The following OPCML variants were observed in gnomAD, a reference collection of about 807,000 sequenced individuals.
OPCML encodes the protein opioid-binding protein/cell adhesion molecule.
OPCML carries 13 observed loss-of-function variants against 37.8 expected under a neutral mutation model. The ratio of observed to expected loss-of-function variants is 0.34; its 90% CI spans 0.22 to 0.55. The LOEUF is 0.55. OPCML is among the 20% of genes least tolerant of loss of function. The probability of loss-of-function intolerance (pLI) is 0.91; values close to 1 mark genes in which losing one functional copy is unlikely to be tolerated. For synonymous variants in OPCML, 176 were observed against 168.8 expected (o/e 1.04, Z -0.33); for missense variants, 341 against 435.6 (o/e 0.78, Z 1.93).
At chr11:133,219,501 G>A (rs1004403025) in intron 1 of OPCML, among the ~76,000 whole-genome samples, 1 of 152,200 alleles carries the variant, frequency 6.6e-6, no homozygotes, top group Non-Finnish European at 1.5e-5. Flanking sequence ...CTACCATTTA[G>A]CAATGCTTCT....
chr11:133,331,605 T>C (rs1358910311), intron 1 of OPCML, among the ~76,000 whole-genome samples: 1 of 152,256 alleles, frequency 6.6e-6, no homozygotes, highest in African/African-American at 2.4e-5. Context: ...TCTTAATCAT[T>C]GGCTTTAAGA....
intron 1 of OPCML, among the ~76,000 whole-genome samples, chr11:133,135,878 A>T (rs1459228117): frequency 6.6e-6 from 1 of 152,230 alleles, no homozygotes; most frequent in African/African-American, 2.4e-5. Context: ...TCTTGGAACC[A>T]CAAGAGAAAC....
intron 1 of OPCML, among the ~76,000 whole-genome samples, chr11:133,125,788 T>C (rs906484679): frequency 2.1e-5 from 3 of 145,416 alleles, no homozygotes; most frequent in African/African-American, 7.5e-5. Flanking sequence ...ATATAGTATA[T>C]ATACATGTAT....
chr11:132,836,467 G>A (rs1007320987), intron 2 of OPCML, among the ~76,000 whole-genome samples: 1 of 152,102 alleles, frequency 6.6e-6, no homozygotes, highest in Non-Finnish European at 1.5e-5. Context: ...TATGATATGT[G>A]CATATGAGAT....
At chr11:133,244,146 G>A (rs1277162798) in intron 1 of OPCML, among the ~76,000 whole-genome samples, 2 of 152,178 alleles carry the variant, frequency 1.3e-5, no homozygotes, top group Non-Finnish European at 2.9e-5. Context: ...AGAGCATGGG[G>A]GTGAGGACAC....
intron 1 of OPCML, among the ~76,000 whole-genome samples, chr11:133,329,212 C>T (rs142789416): frequency 0.012 from 1,795 of 152,260 alleles, 38 homozygotes; most frequent in African/African-American, 0.039. Context: ...GAACATTCCA[C>T]GCTCATGGGT....
At chr11:133,403,439 C>G (rs556174600) in intron 1 of OPCML, among the ~76,000 whole-genome samples, 2 of 152,230 alleles carry the variant, frequency 1.3e-5, no homozygotes, top group South Asian at 4.1e-4. Flanking sequence ...TATATACATA[C>G]CATACCTTGA....
intron 1 of OPCML, among the ~76,000 whole-genome samples, chr11:133,261,565 A>G (rs759523004): frequency 6.6e-6 from 1 of 151,886 alleles, no homozygotes; most frequent in Non-Finnish European, 1.5e-5. Context: ...ATCCGTCTCT[A>G]CCTTTGGAAG....
chr11:132,759,816 T>C lies in OPCML; in HGVS notation c.147-102497A>G, dbSNP rs1360527634. ...ATTTTCTTCAGTTCTACTCTGATCT[T>C]AGTCATTTCTTGCCTTCTGCTAGCT... On this transcript the variant is annotated intron_variant, in intron 2 of 7. Coordinates refer to ENST00000524381, the MANE Select transcript of OPCML (RefSeq NM_001012393.5). 2.0e-5 allele frequency among the ~76,000 whole-genome samples: 3 copies of C among 152,208 alleles called. No individual in the cohort carries two copies. The South Asian group carries it at 6.2e-4, about 31-fold the overall frequency.
chr11:132,846,037 A>T (rs1252491716), intron 2 of OPCML, among the ~76,000 whole-genome samples: 1 of 152,166 alleles, frequency 6.6e-6, no homozygotes, highest in Non-Finnish European at 1.5e-5. Context: ...ACTCCTTTAC[A>T]GTGCCACAGA....
intron 3 of OPCML, among the ~76,000 whole-genome samples, chr11:132,592,007 A>G (rs573454287): frequency 1.6e-4 from 25 of 152,326 alleles, no homozygotes; most frequent in African/African-American, 6.0e-4. Context: ...GAAAGTATAG[A>G]TTCTGTTTCT....
In OPCML at chr11:132,821,723, A is replaced by T. The variant is rs772559419; in HGVS notation, c.146+121203T>A. On this transcript the variant is annotated intron_variant, in intron 2 of 7. Transcript: ENST00000524381. The stretch of plus-strand genomic sequence containing the variant: ...TTTCTTCCATTTGCCTTTGTTTCCA[A>T]TTCAAGGTATCTTCCCCCCTCTTTC... 2.2e-4 allele frequency among the ~76,000 whole-genome samples: 34 copies of T among 152,004 alleles called. 1 individual carries two copies. Among genetic ancestry groups the T allele is most frequent in the Admixed American group, 2.0e-3 (30 of 15,256 alleles).
At chr11:132,779,899 C>A (rs2136147081) in intron 2 of OPCML, among the ~76,000 whole-genome samples, 1 of 152,294 alleles carries the variant, frequency 6.6e-6, no homozygotes, top group South Asian at 2.1e-4. Context: ...TGCTCTTAAC[C>A]TTTTCAGCTT....
intron 1 of OPCML, among the ~76,000 whole-genome samples, chr11:133,071,578 C>T (rs1948535728): frequency 6.6e-6 from 1 of 152,096 alleles, no homozygotes; most frequent in South Asian, 2.1e-4. Flanking sequence ...GCTAGCACTG[C>T]CTGTCGAATG....
At chr11:133,195,668 C>A (rs899750435) in intron 1 of OPCML, among the ~76,000 whole-genome samples, 2 of 152,162 alleles carry the variant, frequency 1.3e-5, no homozygotes, top group Admixed American at 1.3e-4. Context: ...TGGTCTTTGT[C>A]TTCAAAAGTC....
At chr11:133,439,916 C>T (rs74551972) in intron 1 of OPCML, among the ~76,000 whole-genome samples, 11,011 of 152,150 alleles carry the variant, frequency 0.072, 1,291 homozygotes, top group African/African-American at 0.25. Context: ...ACCAAAATGG[C>T]TGAATATCCA....
intron 4 of OPCML, among the ~76,000 whole-genome samples, chr11:132,481,014 T>C (rs1256379963): frequency 6.6e-6 from 1 of 151,942 alleles, no homozygotes; most frequent in Non-Finnish European, 1.5e-5. Flanking sequence ...AATTCACAAT[T>C]TGATATTAAT....
At chr11:133,377,612 G>GAAAAAAAAAAAAAAAAACAAAAA (rs71477791) in intron 1 of OPCML, among the ~76,000 whole-genome samples, 1 of 79,088 alleles carries the variant, frequency 1.3e-5, no homozygotes, top group African/African-American at 5.8e-5. Flanking sequence ...CCAGTATTCA[G>GAAAAAAAAAAAAAAAAACAAAAA]AAAAAAAAAA....
intron 1 of OPCML, among the ~76,000 whole-genome samples, chr11:133,216,178 C>T (rs1464405391): frequency 6.6e-6 from 1 of 152,176 alleles, no homozygotes; most frequent in East Asian, 1.9e-4. Context: ...GCTGAAGCAT[C>T]CTGTGTAATA....
Sources: allele counts gnomAD v4.1 joint callset (sites outside exome capture counted in the v4.1 genomes callset), GRCh38; gene constraint gnomAD v4.1.1; transcripts MANE v1.5; gene names NCBI Gene and HGNC (gene_info 2026-07-23, HGNC 2026-07-21).